LY75: variants seen among roughly 807,000 people sequenced by gnomAD.
The protein encoded by LY75 is lymphocyte antigen 75, also known as C-type lectin domain family 13 member B.
A neutral mutation model predicts 231.7 loss-of-function variants in LY75; 185 were observed. That is an observed-to-expected ratio of 0.80 (90% CI 0.71 to 0.90). The LOEUF (loss-of-function observed/expected upper bound fraction) is 0.90. Ranked by LOEUF, LY75 falls within the 40% of genes least tolerant of loss-of-function variation. LY75 has a pLI of 0.00. For missense variants in LY75, 1,947 were observed against 2,050.2 expected (o/e 0.95, Z 0.97); for synonymous variants, 668 against 689.0 (o/e 0.97, Z 0.48).
rs116767406 is a variant in LY75, at chr2:159,891,276, C to T, written c.638-899G>A. On this transcript the variant is annotated intron_variant, in intron 3 of 34. Transcript: ENST00000263636. Reference sequence around the variant, plus strand: ...CTTATTTAACAGACAGGAACAAAGACCTAGAGGTGACTGTGACAGAGCTAT... The same window carrying T: ...CTTATTTAACAGACAGGAACAAAGATCTAGAGGTGACTGTGACAGAGCTAT... 6.9e-3 allele frequency among the ~76,000 whole-genome samples: 1,044 copies of T among 152,274 alleles called. 9 individuals are homozygous for T. Among genetic ancestry groups the T allele is most frequent in the Non-Finnish European group, 0.012 (785 of 68,018 alleles).
chr2:159,822,242 G>A (rs1455086183), intron 28 of LY75, among the ~76,000 whole-genome samples: 1 of 152,214 alleles, frequency 6.6e-6, no homozygotes, highest in Non-Finnish European at 1.5e-5. Context: ...GTCTGGCTAG[G>A]TGGGTCCCAC....
chr2:159,895,379 A>G (rs1685882832), intron 2 of LY75, among the ~76,000 whole-genome samples: 1 of 152,222 alleles, frequency 6.6e-6, no homozygotes, highest in African/African-American at 2.4e-5. Context: ...AACCGCATCA[A>G]AACCCCCCAA....
intron 2 of LY75, among the ~76,000 whole-genome samples, chr2:159,895,682 C>A (rs903209278): frequency 1.2e-4 from 19 of 152,212 alleles, no homozygotes; most frequent in African/African-American, 4.6e-4. Context: ...TCTGATTAGA[C>A]TCTTGACCTA....
At chr2:159,822,704 A>G (rs982338088) in intron 28 of LY75, among the ~76,000 whole-genome samples, 4 of 152,110 alleles carry the variant, frequency 2.6e-5, no homozygotes, top group Admixed American at 1.3e-4. Context: ...GCCGACAGAC[A>G]TTTCATACAG....
At chr2:159,851,670 C>T (rs898523832) in intron 21 of LY75, among the ~76,000 whole-genome samples, 2 of 152,184 alleles carry the variant, frequency 1.3e-5, no homozygotes, top group African/African-American at 4.8e-5. Context: ...ATGGATTATG[C>T]ATCTCAAAGA....
chr2:159,878,254 A>T, intron 11 of LY75, 70 bp downstream of exon 11: 1 of 1,541,758 alleles, frequency 6.5e-7, no homozygotes. Context: ...TAAGTGAGGA[A>T]CATCTTTGGG....
intron 4 of LY75, among the ~76,000 whole-genome samples, chr2:159,889,997 A>G (rs1260220804): frequency 6.6e-6 from 1 of 152,164 alleles, no homozygotes; most frequent in Non-Finnish European, 1.5e-5. Context: ...CTGAACATCA[A>G]TCTCTCTTTA....
chr2:159,904,593 G>T lies in LY75; in HGVS notation c.90C>A (p.Arg30=). 5 of 1,508,204 alleles carry T rather than the reference G, an allele frequency of 3.3e-6. No homozygotes were observed. Among genetic ancestry groups the T allele is most frequent in the Non-Finnish European group, 3.5e-6 (4 of 1,131,964 alleles). The allele number at this position is 1,508,204 out of a possible 1,614,324, so 93.4% of individuals were successfully genotyped here. Residue 30 remains arginine, a synonymous_variant, in exon 1 of 35, where the codon CGC becomes CGA. Coordinates refer to ENST00000263636, the MANE Select transcript of LY75 (RefSeq NM_002349.4). ...GGCTGGCGTGCCCGCGGTTACCTGC[G>T]CGGCCAGAGGGCTCCGCGAGATCGA... ...WFFDLAEPSG[R]AANDPFTIVH...
rs778873186 is a variant in LY75 at position 159,836,274 on chromosome 2, C to T, written c.3508-629G>A. 6.6e-5 allele frequency among the ~76,000 whole-genome samples: 10 copies of T among 152,324 alleles called. No individual in the cohort carries two copies. The East Asian group carries it at 1.4e-3, about 21-fold the overall frequency. ...ATGTGTAAAGCCCGCAACCCAGGGG[C>T]TAGCTGGCACACAGAGAGCTGGTGG... On this transcript the variant is annotated intron_variant, in intron 25 of 34. Transcript: ENST00000263636.
intron 34 of LY75, 60 bp downstream of exon 34, chr2:159,806,913 T>A: frequency 1.3e-6 from 2 of 1,532,598 alleles, no homozygotes; most frequent in South Asian, 2.6e-5. Flanking sequence ...ATAATTGGAT[T>A]GTACATTTAT....
chr2:159,807,082 T>A lies in LY75; in HGVS notation c.4881A>T (p.Lys1627Asn). 6.2e-7 allele frequency: 1 copy of A among 1,613,958 alleles called. No homozygotes were observed. Among genetic ancestry groups the A allele is most frequent in the Non-Finnish European group, 8.5e-7 (1 of 1,179,956 alleles). The change falls in exon 34 of 35, where the codon AAA (lysine) becomes AAT (asparagine). Residue 1627 changes from lysine to asparagine, a missense_variant. Physicochemically the swap from Lys to Asn is moderately conservative, Grantham distance 94. Coordinates refer to ENST00000263636, the MANE Select transcript of LY75 (RefSeq NM_002349.4). Reference protein sequence around the residue: ...SEVTFVKWENKSKSGVGRCSM... With the variant: ...SEVTFVKWENNSKSGVGRCSM... ...TACATCTTCCAACACCACTCTTACT[T>A]TTATTTTCCCATTTGACAAATGTCA...
Position 159,852,181 on chromosome 2 carries a change from T to C in LY75, c.2883+20A>G, listed in dbSNP as rs760760020. 1.9e-6 allele frequency: 3 copies of C among 1,611,860 alleles called. No homozygotes were observed. The highest frequency in any genetic ancestry group is 1.7e-5 in the Admixed American group (1 of 59,790). On this transcript the variant is annotated intron_variant, in intron 21 of 34. Coordinates refer to ENST00000263636, the MANE Select transcript of LY75 (RefSeq NM_002349.4). ...CATGGAAGCAATCATTGTTGCATAA[T>C]GTAGCAATTCTCTTTTTACCTTATT...
intron 12 of LY75, among the ~76,000 whole-genome samples, chr2:159,873,423 T>G (rs1685077728): frequency 6.6e-6 from 1 of 152,190 alleles, no homozygotes; most frequent in South Asian, 2.1e-4. Flanking sequence ...CTTGCCTTCT[T>G]GGGCTCCAGT....
chr2:159,862,486 A>G (rs1684739228), intron 14 of LY75, among the ~76,000 whole-genome samples: 1 of 152,062 alleles, frequency 6.6e-6, no homozygotes, highest in Non-Finnish European at 1.5e-5. Context: ...CATACTACCC[A>G]AAGATGACTA....
intron 6 of LY75, among the ~76,000 whole-genome samples, chr2:159,884,014 C>T (rs768928034): frequency 5.9e-5 from 9 of 152,130 alleles, no homozygotes; most frequent in Non-Finnish European, 1.2e-4. Context: ...TGGGAGGGAC[C>T]TGGTGAAAGG....
rs369430909 is a variant in LY75 at position 159,840,698 on chromosome 2, C to T, written c.3507+31G>A. ...AATAAAAAATGTCGCTTTCCATCAC[C>T]CAGTCCTGGCAGTTGGGACTGAACA... On this transcript the variant is annotated intron_variant, in intron 25 of 34. Transcript: ENST00000263636. The T allele has an allele frequency of 1.5e-5, 24 of 1,613,402 alleles. No homozygotes were observed. The African/African-American group carries it at 3.1e-4, about 21-fold the overall frequency.
At chr2:159,899,471 C>T (rs1397835793) in intron 1 of LY75, among the ~76,000 whole-genome samples, 2 of 152,194 alleles carry the variant, frequency 1.3e-5, no homozygotes, top group Non-Finnish European at 2.9e-5. Flanking sequence ...ACAAAAGAAG[C>T]TCTTTAGTTT....
chr2:159,840,067 C>T (rs892605787), intron 25 of LY75, among the ~76,000 whole-genome samples: 25 of 149,946 alleles, frequency 1.7e-4, no homozygotes, highest in African/African-American at 5.7e-4. Flanking sequence ...TAACACTATC[C>T]ATAGTGCTTC....
intron 29 of LY75, 32 bp downstream of exon 29, chr2:159,819,693 GT>G: frequency 1.9e-6 from 3 of 1,564,418 alleles, no homozygotes; most frequent in Non-Finnish European, 2.6e-6. Flanking sequence ...TTTCCCTGGA[GT>G]GAAAGAAAAC....
Sources: allele counts gnomAD v4.1 joint callset (sites outside exome capture counted in the v4.1 genomes callset), GRCh38; gene constraint gnomAD v4.1.1; transcripts MANE v1.5; gene names NCBI Gene and HGNC (gene_info 2026-07-23, HGNC 2026-07-21).